The following BMAL1 variants were observed in gnomAD, a reference collection of about 807,000 sequenced individuals.
BMAL1 encodes basic helix-loop-helix ARNT-like protein 1.
the BMAL1 span, among the ~76,000 whole-genome samples, chr11:13,320,979 A>G: frequency 6.6e-6 from 1 of 152,342 alleles, no homozygotes; most frequent in South Asian, 2.1e-4. Flanking sequence ...GGCTGTATCC[A>G]CTAGAGATAA....
the BMAL1 span, among the ~76,000 whole-genome samples, chr11:13,297,904 C>T: frequency 5.9e-5 from 9 of 152,196 alleles, no homozygotes. Flanking sequence ...CTGTCTCCTG[C>T]TTCCAATTTC....
chr11:13,291,632 C>G, the BMAL1 span, among the ~76,000 whole-genome samples: 3 of 152,212 alleles, frequency 2.0e-5, no homozygotes, highest in Non-Finnish European at 4.4e-5. Context: ...AATTCACTCT[C>G]TATTCAAGTT....
chr11:13,340,991 T>C, the BMAL1 span, among the ~76,000 whole-genome samples: 1 of 152,172 alleles, frequency 6.6e-6, no homozygotes, highest in Non-Finnish European at 1.5e-5. Flanking sequence ...ATGCAGCTAG[T>C]AAGTGGCAGG....
At chr11:13,305,552 G>A in the BMAL1 span, among the ~76,000 whole-genome samples, 2 of 152,138 alleles carry the variant, frequency 1.3e-5, no homozygotes, top group Admixed American at 6.5e-5. Context: ...TGCAAATAGG[G>A]ATTGTTTCAT....
At chr11:13,315,619 G>A in the BMAL1 span, among the ~76,000 whole-genome samples, 2 of 152,256 alleles carry the variant, frequency 1.3e-5, no homozygotes, top group African/African-American at 2.4e-5. Context: ...ATACGCCACC[G>A]TTCCCTCTGC....
At chr11:13,322,047 C>T in the BMAL1 span, among the ~76,000 whole-genome samples, 2 of 152,144 alleles carry the variant, frequency 1.3e-5, no homozygotes, top group Admixed American at 6.5e-5. Context: ...AGGATCTCAG[C>T]GTTGGTGTTG....
At chr11:13,380,220 C>G in the BMAL1 span, 1 of 152,218 alleles carries the variant, frequency 6.6e-6, no homozygotes, top group Non-Finnish European at 1.5e-5. Context: ...GCTGAGAATA[C>G]ATGATATGTA....
the BMAL1 span, among the ~76,000 whole-genome samples, chr11:13,334,293 G>A: frequency 6.6e-6 from 1 of 152,202 alleles, no homozygotes; most frequent in Admixed American, 6.5e-5. Flanking sequence ...AGCCCATGGT[G>A]CACTAGACTT....
chr11:13,299,360 C>CA, the BMAL1 span, among the ~76,000 whole-genome samples: 178 of 152,112 alleles, frequency 1.2e-3, 1 homozygote, highest in African/African-American at 3.8e-3. Context: ...CGAGAGGGTG[C>CA]AGGAGAAAAG....
At chr11:13,314,423 T>C in the BMAL1 span, among the ~76,000 whole-genome samples, 1 of 152,196 alleles carries the variant, frequency 6.6e-6, no homozygotes, top group East Asian at 1.9e-4. Flanking sequence ...TCATTGGCCA[T>C]TGGGTTTATT....
chr11:13,352,111 A>AGG, the BMAL1 span, among the ~76,000 whole-genome samples: 1 of 152,098 alleles, frequency 6.6e-6, no homozygotes, highest in African/African-American at 2.4e-5. Flanking sequence ...GAGCTGGGGA[A>AGG]GGGATCCTAA....
the BMAL1 span, among the ~76,000 whole-genome samples, chr11:13,305,580 G>C: frequency 1.3e-5 from 2 of 152,198 alleles, no homozygotes; most frequent in South Asian, 4.1e-4. Context: ...TTTCCAATCT[G>C]TATGTTTTTT....
chr11:13,316,622 G>A, the BMAL1 span, among the ~76,000 whole-genome samples: 1 of 152,224 alleles, frequency 6.6e-6, no homozygotes, highest in South Asian at 2.1e-4. Flanking sequence ...AGGGGCCTTG[G>A]CAGCAGGGGA....
chr11:13,352,436 G>T, the BMAL1 span, among the ~76,000 whole-genome samples: 1 of 152,152 alleles, frequency 6.6e-6, no homozygotes, highest in Non-Finnish European at 1.5e-5. Context: ...AGAAACGCCT[G>T]TAAAGAGAAA....
the BMAL1 span, among the ~76,000 whole-genome samples, chr11:13,370,203 C>T: frequency 6.6e-6 from 1 of 152,222 alleles, no homozygotes; most frequent in East Asian, 1.9e-4. Context: ...TCCTCCTCCC[C>T]GACCCCCTGC....
At chr11:13,331,950 C>T in the BMAL1 span, among the ~76,000 whole-genome samples, 1 of 152,140 alleles carries the variant, frequency 6.6e-6, no homozygotes, top group Non-Finnish European at 1.5e-5. Context: ...TGCGAAGAGG[C>T]CGGGCGGGGT....
the BMAL1 span, among the ~76,000 whole-genome samples, chr11:13,299,560 G>A: frequency 6.6e-6 from 1 of 152,168 alleles, no homozygotes; most frequent in African/African-American, 2.4e-5. Context: ...AATTACTTTG[G>A]CCTCTTGTAT....
At chr11:13,382,954 CCTTTT>C in the BMAL1 span, among the ~76,000 whole-genome samples, 1 of 152,126 alleles carries the variant, frequency 6.6e-6, no homozygotes, top group Non-Finnish European at 1.5e-5. Flanking sequence ...GAAAATTCTC[CCTTTT>C]CTTTGAGAAG....
At chr11:13,365,375 A>C in the BMAL1 span, 1 of 748,424 alleles carries the variant, frequency 1.3e-6, no homozygotes, top group Non-Finnish European at 2.2e-6. Flanking sequence ...TCAGGATATC[A>C]CTGAAACTGT....
Sources: gnomAD v4.1 joint callset for allele counts (sites outside exome capture counted in the v4.1 genomes callset) on GRCh38, gnomAD v4.1.1 for gene constraint, MANE v1.5 for transcripts, NCBI Gene and HGNC (gene_info 2026-07-23, HGNC 2026-07-21) for gene names.